The following IRS2 variants were observed in gnomAD, a reference collection of about 807,000 sequenced individuals.
IRS2 encodes the protein insulin receptor substrate 2.
A neutral mutation model predicts 70.9 loss-of-function variants in IRS2; 28 were observed. The ratio of observed to expected loss-of-function variants is 0.39; its 90% confidence interval spans 0.29 to 0.54. The LOEUF (loss-of-function observed/expected upper bound fraction) is 0.54. IRS2 is among the 20% of genes least tolerant of loss of function. The pLI, the probability that IRS2 is intolerant of heterozygous loss-of-function variation, is 0.59. For synonymous variants in IRS2, 1,217 were observed against 981.9 expected (o/e 1.24, Z -4.48); for missense variants, 2,081 against 2,024.1 (o/e 1.03, Z -0.54).
rs373281929 is a variant in IRS2, at chr13:109,776,997, A to G, written c.4012+5045T>C. Among the ~76,000 whole-genome samples, 4 of 152,348 alleles carry G rather than the reference A, an allele frequency of 2.6e-5. No homozygotes were observed. In the South Asian group the frequency reaches 8.3e-4, roughly 32 times the overall value. On this transcript the variant is annotated intron_variant, in intron 1 of 1. Transcript: ENST00000375856. Reference sequence around the variant, plus strand: ...AAATTTTGTTTTCATTTGTTCATTAAAACGCCAACATTAAAACGTTTTGTT... The same window carrying G: ...AAATTTTGTTTTCATTTGTTCATTAGAACGCCAACATTAAAACGTTTTGTT...
In IRS2 at chr13:109,784,520, C is replaced by T. The variant is rs367592112; in HGVS notation, c.1534G>A (p.Ala512Thr). ...GTGTTGCTTCGGTGGCTGCAGAAGGCGCGCAGGTCGCCTGGGCTGGAGCCG... is the reference window on the plus strand; with the variant it reads ...GTGTTGCTTCGGTGGCTGCAGAAGGTGCGCAGGTCGCCTGGGCTGGAGCCG... ...EYGSSPGDLRAFCSHRSNTPE... is the reference protein window; with the variant it reads ...EYGSSPGDLRTFCSHRSNTPE... Residue 512 changes from alanine to threonine, a missense_variant, in exon 1 of 2, where the codon GCC becomes ACC. Ala to Thr is a moderately conservative substitution (Grantham distance 58). This residue lies in a region of IRS2 where 1,615 missense variants were observed against 1,459.5 expected (regional missense o/e 1.11). Transcript: ENST00000375856. This position sits in a 1 kb window ranked among gnomAD's most constrained non-coding sequence, Gnocchi z 5.2. 3.2e-4 allele frequency: 489 copies of T among 1,531,672 alleles called. No individual in the cohort carries two copies. In the East Asian group the frequency reaches 9.9e-3, roughly 31 times the overall value. 94.9% of individuals were successfully genotyped at this position (1,531,672 alleles called of 1,614,324 possible). A position where few individuals can be genotyped will look rare whatever the true frequency, so the allele number is the denominator to read the frequency against.
Position 109,783,377 on chromosome 13 carries a change from G to C in IRS2, c.2677C>G (p.Leu893Val). Reference protein sequence around the residue: ...QRGRAVRPTRLSLEGLPSLPS... With the variant: ...QRGRAVRPTRVSLEGLPSLPS... ...AGGCTGGGCAGCCCCTCCAGGGACA[G>C]GCGCGTGGGCCTCACCGCCCGGCCG... The change falls in exon 1 of 2, where the codon CTG becomes GTG. Residue 893 changes from leucine (L) to valine (V), a missense_variant. Coordinates refer to ENST00000375856, the MANE Select transcript of IRS2 (RefSeq NM_003749.3). 2 of 1,519,138 alleles carry C rather than the reference G, an allele frequency of 1.3e-6. No individual in the cohort carries two copies. Among genetic ancestry groups the C allele is most frequent in the Non-Finnish European group, 1.7e-6 (2 of 1,144,434 alleles). 94.1% of individuals were successfully genotyped at this position (1,519,138 alleles called of 1,614,324 possible).
chr13:109,768,462 TG>T (rs1489396253), intron 1 of IRS2, among the ~76,000 whole-genome samples: 1 of 152,238 alleles, frequency 6.6e-6, no homozygotes, highest in East Asian at 1.9e-4. Flanking sequence ...CCCATGCCCT[TG>T]GCTCTTTCCT....
chr13:109,761,980 C>A lies in IRS2; in HGVS notation c.4013-5672G>T, dbSNP rs572489049. Among the ~76,000 whole-genome samples the A allele has an allele frequency of 7.2e-4, 109 of 152,314 alleles. 1 individual carries two copies. In the South Asian group the frequency reaches 0.022, roughly 30 times the overall value. ...CCCCTTTAACTCCTGTTTAATCCTG[C>A]ACATAAGACCTGGTCTTAATCATCC... is the stretch of plus-strand genomic sequence containing the variant. On this transcript the variant is annotated intron_variant, in intron 1 of 1. Coordinates refer to ENST00000375856, the MANE Select transcript of IRS2 (RefSeq NM_003749.3).
chr13:109,767,477 T>C (rs1009382757), intron 1 of IRS2, among the ~76,000 whole-genome samples: 13 of 152,182 alleles, frequency 8.5e-5, no homozygotes, highest in African/African-American at 3.1e-4. Context: ...TGTGTGGTGA[T>C]TGACACAGTC....
Position 109,784,911 on chromosome 13 carries a change from C to T in IRS2, c.1143G>A (p.Arg381=). 1 of 1,055,790 alleles carries T rather than the reference C, an allele frequency of 9.5e-7. No individual in the cohort carries two copies. Among genetic ancestry groups the T allele is most frequent in the Non-Finnish European group, 1.1e-6 (1 of 877,236 alleles). The allele number at this position is 1,055,790 out of a possible 1,614,324, so 65.4% of individuals were successfully genotyped here. A position where few individuals can be genotyped will look rare whatever the true frequency, so the allele number is the denominator to read the frequency against. ...GGGGGCTCCCAGCCACCGACACCGG[C>T]CTGGCGCCCGCGGCCGCCGCTCCCG... ...AAAGAAAAGA[R]PVSVAGSPLS... is the part of the protein sequence containing the mutation. The change falls in exon 1 of 2, where the codon AGG becomes AGA. Residue 381 remains arginine (R), a synonymous_variant. Coordinates refer to ENST00000375856, the MANE Select transcript of IRS2 (RefSeq NM_003749.3). This position sits in a 1 kb window ranked among gnomAD's most constrained non-coding sequence, Gnocchi z 5.2.
intron 1 of IRS2, among the ~76,000 whole-genome samples, chr13:109,777,209 G>A (rs1234564687): frequency 6.6e-6 from 1 of 151,926 alleles, no homozygotes; most frequent in East Asian, 1.9e-4. Context: ...TTTCCCTTAA[G>A]TTTATAAGGT....
chr13:109,770,446 A>G (rs558845484), intron 1 of IRS2, among the ~76,000 whole-genome samples: 3 of 152,212 alleles, frequency 2.0e-5, no homozygotes, highest in African/African-American at 7.2e-5. Flanking sequence ...CAAAGCTACT[A>G]TTTTTCAGAG....
In IRS2 at chr13:109,782,407, T is replaced by C. The variant is rs1195122354; in HGVS notation, c.3647A>G (p.Gln1216Arg). 1 of 1,604,302 alleles carries C rather than the reference T, an allele frequency of 6.2e-7. No homozygotes were observed. Among genetic ancestry groups the C allele is most frequent in the East Asian group, 2.3e-5 (1 of 44,442 alleles). The change falls in exon 1 of 2, where the codon CAG becomes CGG. Residue 1216 changes from glutamine to arginine, a missense_variant. Transcript: ENST00000375856. ...CTGACCCGGGGTCCACGGCCGGCCC[T>C]GCGGTGCCAAAGGGGGCGCCGGCTG... ...QLQPAPPLAP[Q>R]GRPWTPGQPG...
At chr13:109,776,855 C>A (rs1034784168) in intron 1 of IRS2, among the ~76,000 whole-genome samples, 1 of 152,194 alleles carries the variant, frequency 6.6e-6, no homozygotes, top group African/African-American at 2.4e-5. Context: ...TCTTGAAGAA[C>A]CCACTCAAAC....
Position 109,782,286 on chromosome 13 carries a change from G to T in IRS2, c.3768C>A (p.Ile1256=), listed in dbSNP as rs1566411972. Residue 1256 remains isoleucine, a synonymous_variant, in exon 1 of 2, where the codon ATC becomes ATA. Transcript: ENST00000375856. Reference sequence around the variant, plus strand: ...GCAGCCCGGGCTCCTCCCTCACGTCGATGGCGATGTAGTTGAGACCATTCT... The same window carrying T: ...GCAGCCCGGGCTCCTCCCTCACGTCTATGGCGATGTAGTTGAGACCATTCT... ...GFQNGLNYIA[I]DVREEPGLPP... is the part of the protein sequence containing the mutation. 1 of 1,611,332 alleles carries T rather than the reference G, an allele frequency of 6.2e-7. No individual in the cohort carries two copies. The highest frequency in any genetic ancestry group is 2.2e-5 in the East Asian group (1 of 44,768).
chr13:109,763,130 T>G (rs1272176000), intron 1 of IRS2, among the ~76,000 whole-genome samples: 2 of 152,230 alleles, frequency 1.3e-5, no homozygotes, highest in African/African-American at 4.8e-5. Flanking sequence ...ACAGAATGTT[T>G]GTTAATCCTT....
chr13:109,778,325 A>G (rs536624805), intron 1 of IRS2, among the ~76,000 whole-genome samples: 114 of 152,356 alleles, frequency 7.5e-4, no homozygotes, highest in Middle Eastern at 6.8e-3. Context: ...AGTGTTCCAC[A>G]TACTATGCTT....
chr13:109,769,850 T>C (rs939703795), intron 1 of IRS2, among the ~76,000 whole-genome samples: 4 of 152,226 alleles, frequency 2.6e-5, no homozygotes, highest in African/African-American at 4.8e-5. Flanking sequence ...AATGAAAACA[T>C]GCAGAAATTT....
chr13:109,768,639 C>A (rs1024146808), intron 1 of IRS2, among the ~76,000 whole-genome samples: 1 of 152,160 alleles, frequency 6.6e-6, no homozygotes, highest in Non-Finnish European at 1.5e-5. Flanking sequence ...CCATAATGCA[C>A]GGGGCATCCC....
rs778153147 is a variant in IRS2, at chr13:109,755,593, T to C, written c.*711A>G. Reference sequence around the variant, plus strand: ...AAAAGTAGGTTGCTTCAGTTACATATAATAATTATTATTTAGTAATCCGTC... The same window carrying C: ...AAAAGTAGGTTGCTTCAGTTACATACAATAATTATTATTTAGTAATCCGTC... On this transcript the variant is annotated 3_prime_UTR_variant, in exon 2 of 2. Coordinates refer to ENST00000375856, the MANE Select transcript of IRS2 (RefSeq NM_003749.3). 7 of 202,260 alleles carry C rather than the reference T, an allele frequency of 3.5e-5. No individual in the cohort carries two copies. Among genetic ancestry groups the C allele is most frequent in the Middle Eastern group, 1.6e-3 (1 of 614 alleles). 12.5% of individuals were successfully genotyped at this position (202,260 alleles called of 1,614,324 possible).
rs1371142661 is a variant in IRS2 at position 109,783,009 on chromosome 13, C to T, written c.3045G>A (p.Pro1015=). ...LLSPEASSPY[P]PLPPRPSASP... is the part of the protein sequence containing the mutation. ...ACGCGGACGGACGCGGGGGCAACGG[C>T]GGATACGGGGAGGAGGCCTCGGGGG... The change falls in exon 1 of 2, where the codon CCG becomes CCA. Residue 1015 remains proline, a synonymous_variant. Transcript: ENST00000375856. The T allele has an allele frequency of 2.2e-6, 3 of 1,363,938 alleles. No individual in the cohort carries two copies. Among genetic ancestry groups the T allele is most frequent in the Admixed American group, 7.7e-5 (2 of 25,928 alleles). 84.5% of individuals were successfully genotyped at this position (1,363,938 alleles called of 1,614,324 possible).
At chr13:109,756,895 C>G (rs373718458) in intron 1 of IRS2, among the ~76,000 whole-genome samples, 1 of 152,204 alleles carries the variant, frequency 6.6e-6, no homozygotes, top group Admixed American at 6.5e-5. Flanking sequence ...TCTTTTTGAA[C>G]GTGCCCAGCA....
rs763792532 is a variant in IRS2 at position 109,783,760 on chromosome 13, T to A, written c.2294A>T (p.Asp765Val). ...HADGKLLPNG[D>V]YLNVSPSDAV... ...GTCGCTGGGGGACACGTTGAGGTAGTCCCCGTTGGGCAGCAGCTTGCCATC... is the reference window on the plus strand; with the variant it reads ...GTCGCTGGGGGACACGTTGAGGTAGACCCCGTTGGGCAGCAGCTTGCCATC... The change falls in exon 1 of 2, where the codon GAC becomes GTC. Residue 765 changes from aspartate (D) to valine (V), a missense_variant. Physicochemically the swap from Asp to Val is radical, Grantham distance 152 (BLOSUM62 -3). Coordinates refer to ENST00000375856, the MANE Select transcript of IRS2 (RefSeq NM_003749.3). 4 of 1,593,590 alleles carry A rather than the reference T, an allele frequency of 2.5e-6. No individual in the cohort carries two copies. The highest frequency in any genetic ancestry group is 2.7e-5 in the African/African-American group (2 of 74,578).
Sources: gnomAD v4.1 joint callset for allele counts (sites outside exome capture counted in the v4.1 genomes callset) on GRCh38, gnomAD v4.1.1 for gene constraint, gnomAD v4.1.1 regional missense constraint, Gnocchi (gnomAD v3.1) non-coding constraint, MANE v1.5 for transcripts, NCBI Gene and HGNC (gene_info 2026-07-23, HGNC 2026-07-21) for gene names.